GALNT17: variants seen among roughly 807,000 people sequenced by gnomAD.
GALNT17 encodes the protein polypeptide N-acetylgalactosaminyltransferase 17, also known as UDP-GalNAc:polypeptide N-acetylgalactosaminyltransferase-like 3.
In GALNT17, 29 loss-of-function variants were observed where a neutral mutation model predicts 63.7. The ratio of observed to expected loss-of-function variants is 0.46; its 90% confidence interval spans 0.34 to 0.62. The LOEUF (loss-of-function observed/expected upper bound fraction) is 0.62, where lower values mean the gene tolerates loss of function less well. Ranked by LOEUF, GALNT17 falls within the 20% of genes least tolerant of loss-of-function variation. The probability of loss-of-function intolerance (pLI) is 0.01; values close to 1 mark genes in which losing one functional copy is unlikely to be tolerated. For synonymous variants in GALNT17, 305 were observed against 318.3 expected, an observed-to-expected ratio of 0.96 and a Z score of 0.45; for missense variants, 603 against 799.6, an observed-to-expected ratio of 0.75 and a Z score of 2.97.
chr7:71,327,275 C>T lies in GALNT17; in HGVS notation c.239-8275C>T, dbSNP rs192787498. 4.4e-4 allele frequency among the ~76,000 whole-genome samples: 67 copies of T among 152,282 alleles called. 1 individual carries two copies. The highest frequency in any genetic ancestry group is 1.6e-3 in the African/African-American group (67 of 41,560). ...TATAAAGAAAAAGAGGTATAATGGA[C>T]TCACAGTTTCACATGGTTGGGGAAG... On this transcript the variant is annotated intron_variant, in intron 1 of 10. Transcript: ENST00000333538.
intron 1 of GALNT17, among the ~76,000 whole-genome samples, chr7:71,229,568 G>A (rs1012172678): frequency 6.6e-6 from 1 of 152,222 alleles, no homozygotes; most frequent in Non-Finnish European, 1.5e-5. Flanking sequence ...CATATGGGAG[G>A]CACATTTAGG....
At chr7:71,530,865 G>T (rs2116779239) in intron 5 of GALNT17, among the ~76,000 whole-genome samples, 2 of 152,206 alleles carry the variant, frequency 1.3e-5, no homozygotes, top group Middle Eastern at 3.4e-3. Flanking sequence ...ACCATGCCCG[G>T]CCAAGAATTT....
At chr7:71,176,071 C>A (rs932448922) in intron 1 of GALNT17, among the ~76,000 whole-genome samples, 6 of 152,074 alleles carry the variant, frequency 3.9e-5, no homozygotes, top group Non-Finnish European at 7.3e-5. Context: ...TGGCTTTCAG[C>A]AAGGATCTTA....
At chr7:71,575,820 C>T (rs1010163912) in intron 6 of GALNT17, among the ~76,000 whole-genome samples, 2 of 152,134 alleles carry the variant, frequency 1.3e-5, no homozygotes, top group African/African-American at 4.8e-5. Flanking sequence ...GAAAGTCTTA[C>T]TGTGAACAAA....
intron 6 of GALNT17, among the ~76,000 whole-genome samples, chr7:71,613,010 G>A (rs1045026984): frequency 3.3e-5 from 5 of 152,068 alleles, no homozygotes; most frequent in Non-Finnish European, 2.9e-5. Flanking sequence ...CCCCCCTCTC[G>A]CCTATCACCA....
At chr7:71,655,119 G>A (rs1340212929) in intron 6 of GALNT17, among the ~76,000 whole-genome samples, 4 of 152,104 alleles carry the variant, frequency 2.6e-5, no homozygotes, top group African/African-American at 9.7e-5. Context: ...ATTAGGCGTA[G>A]TAGTGTTCAG....
chr7:71,453,513 T>C (rs917012764), intron 5 of GALNT17, among the ~76,000 whole-genome samples: 1 of 152,154 alleles, frequency 6.6e-6, no homozygotes, highest in Non-Finnish European at 1.5e-5. Flanking sequence ...ATGAGACTTA[T>C]TCACTACCAT....
At chr7:71,534,004 C>A (rs552250396) in intron 5 of GALNT17, among the ~76,000 whole-genome samples, 112 of 152,180 alleles carry the variant, frequency 7.4e-4, no homozygotes, top group African/African-American at 2.6e-3. Context: ...TGTCCAGATG[C>A]GGTAATCTGG....
At chr7:71,705,976 C>T (rs1791717709) in intron 9 of GALNT17, among the ~76,000 whole-genome samples, 1 of 152,170 alleles carries the variant, frequency 6.6e-6, no homozygotes, top group Admixed American at 6.5e-5. Flanking sequence ...CCCAAAGGCT[C>T]CTGGTTCAGG....
intron 1 of GALNT17, among the ~76,000 whole-genome samples, chr7:71,272,505 A>G (rs1412009784): frequency 6.6e-6 from 1 of 152,080 alleles, no homozygotes; most frequent in Admixed American, 6.6e-5. Context: ...ATTGTCAGGT[A>G]TTTTTTTAAG....
intron 5 of GALNT17, among the ~76,000 whole-genome samples, chr7:71,441,214 G>C (rs113130029): frequency 0.045 from 6,842 of 151,922 alleles, 165 homozygotes; most frequent in South Asian, 0.12. Context: ...GTAGAGACAG[G>C]GTTTCATCAT....
intron 1 of GALNT17, among the ~76,000 whole-genome samples, chr7:71,238,879 A>G (rs930748984): frequency 6.6e-6 from 1 of 152,160 alleles, no homozygotes; most frequent in Non-Finnish European, 1.5e-5. Context: ...TGTGGCTTCT[A>G]TCTTAGGGTG....
chr7:71,317,672 T>A (rs1791525350), intron 1 of GALNT17, among the ~76,000 whole-genome samples: 2 of 152,174 alleles, frequency 1.3e-5, no homozygotes, highest in Non-Finnish European at 2.9e-5. Context: ...CCTTGGATGA[T>A]CCTGACAGTC....
intron 6 of GALNT17, among the ~76,000 whole-genome samples, chr7:71,624,814 G>A (rs904928356): frequency 6.6e-6 from 1 of 152,120 alleles, no homozygotes; most frequent in African/African-American, 2.4e-5. Context: ...ATATTAGAAG[G>A]AGGACGGCAT....
intron 1 of GALNT17, among the ~76,000 whole-genome samples, chr7:71,178,344 T>C (rs950855125): frequency 6.6e-6 from 1 of 152,308 alleles, no homozygotes; most frequent in East Asian, 1.9e-4. Flanking sequence ...ATTTTAACTT[T>C]GTATTTTAGC....
At chr7:71,567,051 C>G (rs1789360766) in intron 5 of GALNT17, among the ~76,000 whole-genome samples, 1 of 152,182 alleles carries the variant, frequency 6.6e-6, no homozygotes, top group Non-Finnish European at 1.5e-5. Flanking sequence ...CAAAGCCACC[C>G]CTTCAGGAGA....
chr7:71,625,122 G>C (rs1436108522), intron 6 of GALNT17, among the ~76,000 whole-genome samples: 6 of 150,284 alleles, frequency 4.0e-5, no homozygotes, highest in Non-Finnish European at 7.4e-5. Context: ...TCACTTCTTT[G>C]GTCTCCAGCC....
intron 1 of GALNT17, among the ~76,000 whole-genome samples, chr7:71,286,741 C>T (rs757242587): frequency 8.5e-6 from 1 of 117,090 alleles, no homozygotes; most frequent in African/African-American, 3.6e-5. Context: ...CCTAGAGGGG[C>T]CTTGTTTTTG....
At chr7:71,413,698 A>G (rs1169290105) in intron 3 of GALNT17, among the ~76,000 whole-genome samples, 1 of 152,070 alleles carries the variant, frequency 6.6e-6, no homozygotes, top group Non-Finnish European at 1.5e-5. Flanking sequence ...AAGCATCTTG[A>G]GGGAGCACTT....
Sources: allele counts gnomAD v4.1 joint callset (sites outside exome capture counted in the v4.1 genomes callset), GRCh38; gene constraint gnomAD v4.1.1; transcripts MANE v1.5; gene names NCBI Gene and HGNC (gene_info 2026-07-23, HGNC 2026-07-21).